The following ZNF91 variants were observed in gnomAD, a reference collection of about 807,000 sequenced individuals.
ZNF91 encodes zinc finger protein 91 (HPF7, HTF10).
ZNF91 carries 7 observed loss-of-function variants against 12.6 expected under a neutral mutation model. That is an observed-to-expected ratio of 0.55 (90% CI 0.31 to 1.04). The LOEUF (loss-of-function observed/expected upper bound fraction) is 1.04, where lower values mean the gene tolerates loss of function less well. ZNF91 is among the 50% of genes least tolerant of loss of function. The probability of loss-of-function intolerance (pLI) is 0.05; values close to 1 mark genes in which losing one functional copy is unlikely to be tolerated. For missense variants in ZNF91, 1,217 were observed against 1,385.4 expected (o/e 0.88, Z 1.93); for synonymous variants, 453 against 462.6 (o/e 0.98, Z 0.27).
intron 3 of ZNF91, among the ~76,000 whole-genome samples, chr19:23,366,515 T>C (rs566777129): frequency 6.6e-6 from 1 of 152,308 alleles, no homozygotes; most frequent in South Asian, 2.1e-4. Context: ...GAATGGATAA[T>C]TTATTAAAAA....
rs71163494 is a variant in ZNF91 at position 23,368,562 on chromosome 19, C to CTATATA, written c.253+5174_253+5179dup. Among the ~76,000 whole-genome samples the CTATATA allele has an allele frequency of 7.4e-3, 880 of 118,448 alleles. 32 individuals are homozygous for CTATATA. Among genetic ancestry groups the CTATATA allele is most frequent in the South Asian group, 0.019 (58 of 3,086 alleles). 77.7% of individuals were successfully genotyped at this position (118,448 alleles called of 152,430 possible). A position where few individuals can be genotyped will look rare whatever the true frequency, so the allele number is the denominator to read the frequency against. On this transcript the variant is annotated intron_variant, in intron 3 of 3. Coordinates refer to ENST00000300619, the MANE Select transcript of ZNF91 (RefSeq NM_003430.4). Reference sequence around the variant, plus strand: ...TCTCTCTCTCTCTCTCTCTCTCTCTCTATATATATATGAAACACATGACAT... The same window carrying CTATATA: ...TCTCTCTCTCTCTCTCTCTCTCTCTCTATATATATATATATATGAAACACATGACAT...
intron 1 of ZNF91, among the ~76,000 whole-genome samples, chr19:23,331,010 T>C (rs1967920681): frequency 6.6e-6 from 1 of 152,238 alleles, no homozygotes; most frequent in African/African-American, 2.4e-5. Flanking sequence ...AGGCAACTTT[T>C]AGATAAGCCA....
chr19:23,337,595 G>A (rs184688803), downstream of ZNF91, among the ~76,000 whole-genome samples: 11 of 151,584 alleles, frequency 7.3e-5, no homozygotes, highest in African/African-American at 2.7e-4. Context: ...AGAAAAGCAA[G>A]GCTTATGACA....
At chr19:23,339,974 T>TA (rs1180482392) in intron 3 of ZNF91, 1 of 147,300 alleles carries the variant, frequency 6.8e-6, no homozygotes, top group Non-Finnish European at 1.5e-5. Context: ...AGATGAAAAT[T>TA]AAAAATTTGT....
intron 1 of ZNF91, among the ~76,000 whole-genome samples, chr19:23,309,809 C>T (rs917232240): frequency 6.6e-6 from 1 of 152,082 alleles, no homozygotes; most frequent in Non-Finnish European, 1.5e-5. Context: ...TGTATAAAGC[C>T]CTTGGGTGGT....
At chr19:23,309,563 G>A (rs1967440392) in intron 1 of ZNF91, among the ~76,000 whole-genome samples, 1 of 151,992 alleles carries the variant, frequency 6.6e-6, no homozygotes, top group African/African-American at 2.4e-5. Context: ...AGAAAAGTTT[G>A]TCACATATCT....
At chr19:23,374,904 T>A in intron 1 of ZNF91, 140 bp from the exon 2 acceptor site, 14 of 1,377,028 alleles carry the variant, frequency 1.0e-5, no homozygotes, top group Non-Finnish European at 1.4e-5. Flanking sequence ...AAAATAATTG[T>A]CAACACACAA....
intron 1 of ZNF91, among the ~76,000 whole-genome samples, chr19:23,392,515 C>G (rs538757231): frequency 2.5e-4 from 38 of 152,022 alleles, no homozygotes; most frequent in African/African-American, 8.9e-4. Flanking sequence ...GATATAGAAC[C>G]AGGCACGACA....
Position 23,323,877 on chromosome 19 carries a change from CCTATTTT to C in ZNF91, n.117-14787_117-14781del, listed in dbSNP as rs144358328. 1,692 of 140,562 alleles carry C rather than the reference CCTATTTT, an allele frequency of 0.012. 134 individuals carry two copies. In the East Asian group the frequency reaches 0.24, roughly 20 times the overall value. 8.7% of individuals were successfully genotyped at this position (140,562 alleles called of 1,614,324 possible). A position where few individuals can be genotyped will look rare whatever the true frequency, so the allele number is the denominator to read the frequency against. On this transcript the variant is annotated intron_variant and non_coding_transcript_variant, in intron 1 of 1. Coordinates refer to the ZNF91 transcript ENST00000596528. The stretch of plus-strand genomic sequence containing the variant: ...CCTCCTATTCTTCTCCTCTTCGTTT[CCTATTTT>C]TTCTCCTCCTCTCCTCTTTCTCCAC...
chr19:23,375,163 A>AATTTTTTTTTTTT (rs1568396769), intron 1 of ZNF91, among the ~76,000 whole-genome samples: 1 of 146,148 alleles, frequency 6.8e-6, no homozygotes, highest in African/African-American at 2.5e-5. Context: ...ACCACTCAAA[A>AATTTTTTTTTTTT]TTTTTTTTTT....
Position 23,360,033 on chromosome 19 carries a change from A to G in ZNF91, c.2946T>C (p.Thr982=). 1 of 1,613,420 alleles carries G rather than the reference A, an allele frequency of 6.2e-7. No homozygotes were observed. Among genetic ancestry groups the G allele is most frequent in the Non-Finnish European group, 8.5e-7 (1 of 1,180,000 alleles). Reference sequence around the variant, plus strand: ...CTCCAGTATGAATTATCTTATGTTCAGTAAGAGTTGAAGATTTCCTAAAAG... The same window carrying G: ...CTCCAGTATGAATTATCTTATGTTCGGTAAGAGTTGAAGATTTCCTAAAAG... ...GKAFRKSSTL[T]EHKIIHTGEK... The change falls in exon 4 of 4, where the codon ACT becomes ACC. Residue 982 remains threonine, a synonymous_variant. Coordinates refer to ENST00000300619, the MANE Select transcript of ZNF91 (RefSeq NM_003430.4).
At chr19:23,369,162 T>C (rs1969152296) in intron 3 of ZNF91, among the ~76,000 whole-genome samples, 1 of 152,000 alleles carries the variant, frequency 6.6e-6, no homozygotes, top group South Asian at 2.1e-4. Context: ...ATACAAAAAT[T>C]ACCCAGGTGT....
At chr19:23,381,768 A>G (rs1969724608) in intron 1 of ZNF91, among the ~76,000 whole-genome samples, 1 of 152,032 alleles carries the variant, frequency 6.6e-6, no homozygotes, top group African/African-American at 2.4e-5. Context: ...CCATAAACTG[A>G]ACTCTTTTTT....
At position 23,346,805 on chromosome 19, in the gene ZNF91, A is replaced by T. The variant is rs577448727; in HGVS notation, c.254-7751T>A. ...AACTATCTCTCCATGCCAACTTAAC[A>T]GTTTATTCAATCCATAACGTCAAAG... On this transcript the variant is annotated intron_variant, in intron 3 of 3. Transcript: ENST00000599743. 3.3e-5 allele frequency among the ~76,000 whole-genome samples: 5 copies of T among 152,250 alleles called. No homozygotes were observed. The South Asian group carries it at 1.0e-3, about 32-fold the overall frequency.
chr19:23,380,255 A>G (rs1376059967), intron 1 of ZNF91: 2 of 117,566 alleles, frequency 1.7e-5, no homozygotes, highest in African/African-American at 3.2e-5. Context: ...CAATGGGGGG[A>G]AAATCCGTCT....
Position 23,362,311 on chromosome 19 carries a change from G to A in ZNF91, c.668C>T (p.Ser223Leu), listed in dbSNP as rs1968830068. The A allele has an allele frequency of 1.9e-6, 3 of 1,613,700 alleles. No individual in the cohort carries two copies. The highest frequency in any genetic ancestry group is 2.5e-6 in the Non-Finnish European group (3 of 1,179,850). The change falls in exon 4 of 4, where the codon TCA becomes TTA. Residue 223 changes from serine to leucine, a missense_variant. Transcript: ENST00000300619. ...AATTTCCTTATGATTAGTAAGGGTT[G>A]AGGACCAATGAAAGGTTTTTTCACA... ...KECEKTFHWS[S>L]TLTNHKEIHT... is the part of the protein sequence containing the mutation.
chr19:23,328,576 T>G (rs529791807), intron 1 of ZNF91: 3 of 152,248 alleles, frequency 2.0e-5, no homozygotes, highest in African/African-American at 7.2e-5. Context: ...TTGAAAACTG[T>G]TGGGCCAAAA....
At chr19:23,352,764 G>A (rs1265086302), downstream of ZNF91, among the ~76,000 whole-genome samples, 1 of 152,104 alleles carries the variant, frequency 6.6e-6, no homozygotes, top group African/African-American at 2.4e-5. Context: ...GGTGGAAAAA[G>A]GCATTTCATG....
At position 23,343,680 on chromosome 19, in the gene ZNF91, G is replaced by A. The variant is rs1170762747; in HGVS notation, c.254-4626C>T. Among the ~76,000 whole-genome samples, 4 of 151,788 alleles carry A rather than the reference G, an allele frequency of 2.6e-5. No homozygotes were observed. In the East Asian group the frequency reaches 8.3e-4, roughly 31 times the overall value. On this transcript the variant is annotated intron_variant, in intron 3 of 3. Coordinates refer to the ZNF91 transcript ENST00000599743. ...GTACACAGACAGGTAGACAGGAGGG[G>A]AAGAGAGAGAGTAAAGCCGCTGACC...
Sources: allele counts gnomAD v4.1 joint callset (sites outside exome capture counted in the v4.1 genomes callset), GRCh38; gene constraint gnomAD v4.1.1; transcripts MANE v1.5; gene names NCBI Gene and HGNC (gene_info 2026-07-23, HGNC 2026-07-21).